The following NTN1 variants were observed in gnomAD, a reference collection of about 807,000 sequenced individuals.
NTN1 encodes the protein netrin 1, also known as netrin-1.
Under a neutral mutation model 54.2 loss-of-function variants are expected in NTN1, and 11 were observed. That is an observed-to-expected ratio of 0.20 (90% CI 0.13 to 0.34). NTN1 has a LOEUF of 0.34. Among genes scored for constraint, NTN1 ranks in the 10% least tolerant of loss-of-function variants. The pLI, the probability that NTN1 is intolerant of heterozygous loss-of-function variation, is 1.00. For missense variants in NTN1, 740 were observed against 893.1 expected (o/e 0.83, Z 2.18); for synonymous variants, 371 against 382.0 (o/e 0.97, Z 0.33).
chr17:9,174,676 C>A (rs1003321122), intron 3 of NTN1: 5 of 152,358 alleles, frequency 3.3e-5, no homozygotes, highest in Non-Finnish European at 7.3e-5. Context: ...CAGGTTCCAC[C>A]CCAGTGACCT....
chr17:9,149,802 G>A (rs1198974987), intron 2 of NTN1, among the ~76,000 whole-genome samples: 8 of 152,118 alleles, frequency 5.3e-5, no homozygotes, highest in Non-Finnish European at 1.0e-4. Context: ...GCACTGTGGT[G>A]AGCACCTGTA....
rs528264515 is a variant in NTN1 at position 9,240,077 on chromosome 17, G to T, written c.*109G>T. On this transcript the variant is annotated 3_prime_UTR_variant, in exon 7 of 7. Transcript: ENST00000173229. ...TTGGCCCGCGAGGGCTTTCCCAGGT[G>T]GGGGGAGGGAGGGGGCGGGGCCGCA... is the stretch of plus-strand genomic sequence containing the variant. The T allele has an allele frequency of 3.9e-4, 135 of 348,224 alleles. No homozygotes were observed. The highest frequency in any genetic ancestry group is 2.4e-3 in the Middle Eastern group (2 of 822). The allele number at this position is 348,224 out of a possible 1,614,324, so 21.6% of individuals were successfully genotyped here.
Position 9,137,848 on chromosome 17 carries a change from G to A in NTN1, c.1019-24965G>A, listed in dbSNP as rs576192940. Among the ~76,000 whole-genome samples, 55 of 152,288 alleles carry A rather than the reference G, an allele frequency of 3.6e-4. No individual in the cohort carries two copies. In the Middle Eastern group the frequency reaches 0.01, roughly 28 times the overall value. Reference sequence around the variant, plus strand: ...CATCTTGGGTACTTCCGGCATTTCCGGCCTTCCCGGCTGGACTTGGTGTTT... The same window carrying A: ...CATCTTGGGTACTTCCGGCATTTCCAGCCTTCCCGGCTGGACTTGGTGTTT... On this transcript the variant is annotated intron_variant, in intron 2 of 6. Coordinates refer to ENST00000173229, the MANE Select transcript of NTN1 (RefSeq NM_004822.3).
At chr17:9,065,798 A>G (rs988965614) in intron 2 of NTN1, among the ~76,000 whole-genome samples, 5 of 152,246 alleles carry the variant, frequency 3.3e-5, no homozygotes, top group Non-Finnish European at 7.3e-5. Context: ...TAGAAACTTA[A>G]TCACTTTACC....
intron 5 of NTN1, among the ~76,000 whole-genome samples, chr17:9,202,386 G>A (rs1166235913): frequency 6.6e-6 from 1 of 152,186 alleles, no homozygotes; most frequent in Admixed American, 6.5e-5. Context: ...CCTACAGTGG[G>A]CTCTTTGTGA....
At chr17:9,157,468 G>A (rs1045986707) in intron 2 of NTN1, among the ~76,000 whole-genome samples, 2 of 152,232 alleles carry the variant, frequency 1.3e-5, no homozygotes, top group African/African-American at 4.8e-5. Flanking sequence ...GTGGCCACAG[G>A]CATGTGTTGA....
chr17:9,126,280 G>T (rs111563681), intron 2 of NTN1, among the ~76,000 whole-genome samples: 1 of 152,192 alleles, frequency 6.6e-6, no homozygotes, highest in African/African-American at 2.4e-5. Context: ...AGGCCAAGGC[G>T]GGTAGATCAC....
At position 9,242,286 on chromosome 17, in the gene NTN1, A is replaced by G. The variant is rs1906239621; in HGVS notation, c.*2318A>G. The G allele has an allele frequency of 6.6e-6, 1 of 152,302 alleles. No individual in the cohort carries two copies. Among genetic ancestry groups the G allele is most frequent in the Admixed American group, 6.5e-5 (1 of 15,286 alleles). 9.4% of individuals were successfully genotyped at this position (152,302 alleles called of 1,614,324 possible). On this transcript the variant is annotated 3_prime_UTR_variant, in exon 7 of 7. Transcript: ENST00000173229. ...GGGAAGGGGCATTTGGCTTCCCTGAATCCAGCCCAAGGCTAGAAGACAGGG... is the reference window on the plus strand; with the variant it reads ...GGGAAGGGGCATTTGGCTTCCCTGAGTCCAGCCCAAGGCTAGAAGACAGGG...
At chr17:9,214,376 C>T (rs898752277) in intron 5 of NTN1, among the ~76,000 whole-genome samples, 1 of 152,110 alleles carries the variant, frequency 6.6e-6, no homozygotes, top group African/African-American at 2.4e-5. Context: ...TCAAAAAATC[C>T]TTGTTTAATT....
At chr17:9,222,802 C>T (rs546196712) in intron 6 of NTN1, among the ~76,000 whole-genome samples, 2 of 152,082 alleles carry the variant, frequency 1.3e-5, no homozygotes, top group Non-Finnish European at 2.9e-5. Flanking sequence ...GTGGTCAGGA[C>T]CTTTTAGCAC....
intron 2 of NTN1, among the ~76,000 whole-genome samples, chr17:9,162,166 T>C (rs936469799): frequency 6.6e-5 from 10 of 151,724 alleles, no homozygotes; most frequent in African/African-American, 2.4e-4. Context: ...GGAAGAACGA[T>C]GGTGTGCAGG....
At chr17:9,225,605 G>A (rs1278962829) in intron 6 of NTN1, among the ~76,000 whole-genome samples, 1 of 152,166 alleles carries the variant, frequency 6.6e-6, no homozygotes, top group Non-Finnish European at 1.5e-5. Context: ...TGTGTAAGGG[G>A]GTGTCCCTCC....
At chr17:9,030,470 G>T (rs553205099) in intron 2 of NTN1, among the ~76,000 whole-genome samples, 16 of 152,348 alleles carry the variant, frequency 1.1e-4, no homozygotes, top group Non-Finnish European at 1.3e-4. Flanking sequence ...TCTGTGGCTG[G>T]ACGCAGTGGC....
chr17:9,182,114 A>G (rs1597524117), intron 4 of NTN1, among the ~76,000 whole-genome samples: 1 of 152,156 alleles, frequency 6.6e-6, no homozygotes, highest in Non-Finnish European at 1.5e-5. Flanking sequence ...AGTGGCTGGG[A>G]CTACAGGTGC....
chr17:9,160,690 C>T (rs560826780), intron 2 of NTN1, among the ~76,000 whole-genome samples: 1 of 152,266 alleles, frequency 6.6e-6, no homozygotes, highest in African/African-American at 2.4e-5. Flanking sequence ...TGGTGGCTCA[C>T]GCCTGTAATC....
intron 2 of NTN1, among the ~76,000 whole-genome samples, chr17:9,038,690 G>T (rs2091911598): frequency 6.6e-6 from 1 of 152,102 alleles, no homozygotes; most frequent in Non-Finnish European, 1.5e-5. Flanking sequence ...CACACCTCAT[G>T]ATCACTGGGG....
At chr17:9,037,837 G>T (rs1400806217) in intron 2 of NTN1, among the ~76,000 whole-genome samples, 1 of 152,072 alleles carries the variant, frequency 6.6e-6, no homozygotes, top group Non-Finnish European at 1.5e-5. Context: ...AGCCTCCCTG[G>T]TCTCTTCTTA....
At chr17:9,113,123 A>T (rs1365516286) in intron 2 of NTN1, among the ~76,000 whole-genome samples, 1 of 150,776 alleles carries the variant, frequency 6.6e-6, no homozygotes, top group Non-Finnish European at 1.5e-5. Flanking sequence ...TCTCAGGTTC[A>T]AGTGATTCTC....
Position 9,163,821 on chromosome 17 carries a change from C to A in NTN1, c.1207+820C>A, listed in dbSNP as rs114252340. On this transcript the variant is annotated intron_variant, in intron 3 of 6. Coordinates refer to ENST00000173229, the MANE Select transcript of NTN1 (RefSeq NM_004822.3). ...CACCCCACAAAATCTTTTGGGAATT[C>A]CAGGAACCAGGGCTTTCCTGCTGCA... Among the ~76,000 whole-genome samples the A allele has an allele frequency of 3.9e-3, 599 of 152,252 alleles. 4 individuals carry two copies. Among genetic ancestry groups the A allele is most frequent in the African/African-American group, 0.013 (561 of 41,556 alleles).
Sources: gnomAD v4.1 joint callset for allele counts (sites outside exome capture counted in the v4.1 genomes callset) on GRCh38, gnomAD v4.1.1 for gene constraint, MANE v1.5 for transcripts, NCBI Gene and HGNC (gene_info 2026-07-23, HGNC 2026-07-21) for gene names.